AFF2: variants seen among roughly 807,000 people sequenced by gnomAD.
AFF2 encodes AF4/FMR2 family member 2.
Under a neutral mutation model 76.9 loss-of-function variants are expected in AFF2, and 14 were observed. The observed-to-expected ratio is 0.18, with a 90% CI of 0.12 to 0.28. The LOEUF is 0.28. Ranked by LOEUF, AFF2 falls within the 10% of genes least tolerant of loss-of-function variation. The probability of loss-of-function intolerance (pLI) is 1.00; values close to 1 mark genes in which losing one functional copy is unlikely to be tolerated. For missense variants in AFF2, 868 were observed against 1,001.1 expected (o/e 0.87, Z 1.79); for synonymous variants, 398 against 366.7 (o/e 1.09, Z -0.98).
intron 3 of AFF2, among the ~76,000 whole-genome samples, chrX:148,770,956 T>C (rs1489304923): frequency 5.4e-5 from 6 of 112,062 alleles, no homozygotes; most frequent in Non-Finnish European, 9.4e-5. Flanking sequence ...TGTGGCTCAC[T>C]GTGCCTCAAT....
At chrX:148,659,992 A>G (rs782527521) in intron 2 of AFF2, among the ~76,000 whole-genome samples, 12 of 112,419 alleles carry the variant, frequency 1.1e-4, no homozygotes, top group African/African-American at 3.2e-4. Context: ...TTTAATCACT[A>G]CTTCAGTACT....
intron 1 of AFF2, among the ~76,000 whole-genome samples, chrX:148,631,592 A>T (rs1176790684): frequency 8.9e-6 from 1 of 112,274 alleles, no homozygotes; most frequent in East Asian, 2.8e-4. Context: ...AAGGGGCCAG[A>T]TGGCTGTAAA....
At chrX:148,939,736 A>G (rs2071812429) in intron 9 of AFF2, among the ~76,000 whole-genome samples, 1 of 111,969 alleles carries the variant, frequency 8.9e-6, no homozygotes, top group Non-Finnish European at 1.9e-5. Flanking sequence ...AAATGATTCT[A>G]CTTTCTTGGT....
intron 1 of AFF2, among the ~76,000 whole-genome samples, chrX:148,626,223 T>C (rs1462364365): frequency 1.1e-4 from 12 of 110,158 alleles, no homozygotes; most frequent in Non-Finnish European, 7.6e-5. Context: ...CTCTCTACCA[T>C]TTACTCTTTG....
intron 3 of AFF2, among the ~76,000 whole-genome samples, chrX:148,713,539 C>G (rs1479077676): frequency 8.9e-6 from 1 of 111,763 alleles, no homozygotes; most frequent in African/African-American, 3.3e-5. Flanking sequence ...CAGAAAATAC[C>G]TTCAGCATAG....
At chrX:148,933,309 G>A (rs782729089) in intron 9 of AFF2, among the ~76,000 whole-genome samples, 167 of 112,077 alleles carry the variant, frequency 1.5e-3, no homozygotes, top group Non-Finnish European at 2.7e-3. Context: ...ACTTGCAGTG[G>A]GAATTAGACT....
chrX:148,666,756 A>G (rs1452756455), intron 3 of AFF2, among the ~76,000 whole-genome samples: 5 of 111,498 alleles, frequency 4.5e-5, no homozygotes, highest in Admixed American at 3.8e-4. Context: ...TAAAAGGCCT[A>G]TTTATATCAA....
intron 19 of AFF2, among the ~76,000 whole-genome samples, chrX:148,980,993 C>A (rs782531868): frequency 8.9e-6 from 1 of 111,867 alleles, no homozygotes; most frequent in Admixed American, 9.5e-5. Context: ...ACTATTTGAT[C>A]TTTAAGCCAA....
At chrX:148,831,000 C>T (rs1390629900) in intron 4 of AFF2, among the ~76,000 whole-genome samples, 1 of 112,069 alleles carries the variant, frequency 8.9e-6, no homozygotes, top group African/African-American at 3.2e-5. Context: ...ATGCATTCTC[C>T]TTCTCAGGGA....
intron 3 of AFF2, among the ~76,000 whole-genome samples, chrX:148,729,087 A>G (rs1160833725): frequency 1.8e-5 from 2 of 112,234 alleles, no homozygotes; most frequent in Non-Finnish European, 3.8e-5. Context: ...ATGAAACACT[A>G]AAATGAATTA....
At chrX:148,843,470 G>A in intron 7 of AFF2, 37 bp downstream of exon 7, 1 of 1,145,540 alleles carries the variant, frequency 8.7e-7, no homozygotes, top group Non-Finnish European at 1.2e-6. Context: ...CCTTTTTGGG[G>A]ATATTTGGCA....
intron 3 of AFF2, among the ~76,000 whole-genome samples, chrX:148,706,370 C>G (rs1288913928): frequency 3.6e-5 from 4 of 112,365 alleles, no homozygotes; most frequent in African/African-American, 1.3e-4. Flanking sequence ...CTGTTGATAG[C>G]TTCTGTCAAG....
intron 16 of AFF2, among the ~76,000 whole-genome samples, chrX:148,974,557 C>A (rs146798144): frequency 0.014 from 1,530 of 112,142 alleles, 17 homozygotes; most frequent in African/African-American, 0.046. Context: ...GTACCTAAAT[C>A]TTCAGACAAA....
At chrX:148,754,988 T>C (rs1202515900) in intron 3 of AFF2, among the ~76,000 whole-genome samples, 1 of 112,212 alleles carries the variant, frequency 8.9e-6, no homozygotes, top group African/African-American at 3.2e-5. Context: ...AACATGCTGA[T>C]TGAGTTCATG....
intron 19 of AFF2, among the ~76,000 whole-genome samples, chrX:148,982,992 A>G (rs1039615309): frequency 1.2e-4 from 13 of 112,314 alleles, no homozygotes; most frequent in African/African-American, 4.2e-4. Context: ...TGGTGAGAAG[A>G]ATGTAAATCT....
At chrX:148,604,751 A>G (rs1431776934) in intron 1 of AFF2, among the ~76,000 whole-genome samples, 4 of 112,121 alleles carry the variant, frequency 3.6e-5, no homozygotes, top group Non-Finnish European at 7.5e-5. Context: ...TAGAAAAAGA[A>G]TAACAAAGTA....
chrX:148,598,182 G>A (rs1018028024), intron 1 of AFF2, among the ~76,000 whole-genome samples: 9 of 111,708 alleles, frequency 8.1e-5, no homozygotes, highest in African/African-American at 2.9e-4. Flanking sequence ...ATAATAGTAA[G>A]GCAACTCATT....
At chrX:148,604,452 G>A (rs868938493) in intron 1 of AFF2, among the ~76,000 whole-genome samples, 4 of 112,156 alleles carry the variant, frequency 3.6e-5, no homozygotes, top group Non-Finnish European at 7.5e-5. Flanking sequence ...AAGTGCAGTG[G>A]CACGCTCATA....
intron 4 of AFF2, among the ~76,000 whole-genome samples, chrX:148,818,540 C>T (rs945854042): frequency 1.8e-5 from 2 of 111,715 alleles, no homozygotes; most frequent in African/African-American, 6.5e-5. Context: ...AACATTACTT[C>T]TAGATGTATT....
Sources: gnomAD v4.1 joint callset for allele counts (sites outside exome capture counted in the v4.1 genomes callset) on GRCh38, gnomAD v4.1.1 for gene constraint, MANE v1.5 for transcripts, NCBI Gene and HGNC (gene_info 2026-07-23, HGNC 2026-07-21) for gene names.